The following NKTR variants were observed in gnomAD, a reference collection of about 807,000 sequenced individuals.
The protein encoded by NKTR is NK-tumor recognition protein.
In NKTR, 67 loss-of-function variants were observed where a neutral mutation model predicts 156.3. The observed-to-expected ratio is 0.43, with a 90% CI of 0.35 to 0.53. NKTR has a LOEUF of 0.53. Among genes scored for constraint, NKTR ranks in the 20% least tolerant of loss-of-function variants. The pLI, the probability that NKTR is intolerant of heterozygous loss-of-function variation, is 0.01. For missense variants in NKTR, 1,604 were observed against 1,730.9 expected, an observed-to-expected ratio of 0.93 and a Z score of 1.30; for synonymous variants, 640 against 596.6, an observed-to-expected ratio of 1.07 and a Z score of -1.06.
In NKTR at chr3:42,609,882, G is replaced by T. The variant is rs184365160; in HGVS notation, c.59-7688G>T. On this transcript the variant is annotated intron_variant, in intron 2 of 16. Coordinates refer to ENST00000232978, the MANE Select transcript of NKTR (RefSeq NM_005385.4). ...AATATCAACAACTTCAGTATCTGTT[G>T]GTATTTCAGTTGGTTCTTTTGGGCT... is the stretch of plus-strand genomic sequence containing the variant. 2.0e-3 allele frequency among the ~76,000 whole-genome samples: 311 copies of T among 152,052 alleles called. 1 individual carries two copies. Among genetic ancestry groups the T allele is most frequent in the African/African-American group, 7.4e-3 (306 of 41,480 alleles).
At position 42,638,061 on chromosome 3, in the gene NKTR, T is replaced by G; in HGVS notation, c.2357T>G (p.Val786Gly). Residue 786 changes from valine to glycine, a missense_variant, in exon 13 of 17, where the codon GTC becomes GGC. By Grantham distance (109) the Val-to-Gly change is moderately radical. Around this residue, in one of 6 missense-constraint regions of NKTR, gnomAD observed 1,255 missense variants for 1,243.7 expected, o/e 1.01. Coordinates refer to ENST00000232978, the MANE Select transcript of NKTR (RefSeq NM_005385.4). ...GAAAAGACACTTCACAGTAAATATG[T>G]CAAAGGTAGAGACAGGTCTTCATGT... ...SSEKTLHSKY[V>G]KGRDRSSCVR... 1.2e-6 allele frequency: 2 copies of G among 1,614,140 alleles called. No individual in the cohort carries two copies. The highest frequency in any genetic ancestry group is 1.1e-5 in the South Asian group (1 of 91,080).
Position 42,639,589 on chromosome 3 carries a change from G to T in NKTR, c.3885G>T (p.Glu1295Asp). 6.2e-7 allele frequency: 1 copy of T among 1,614,216 alleles called. No homozygotes were observed. The highest frequency in any genetic ancestry group is 1.1e-5 in the South Asian group (1 of 91,086). The change falls in exon 13 of 17, where the codon GAG (glutamate) becomes GAT (aspartate). Residue 1295 changes from glutamate to aspartate, a missense_variant. Physicochemically the swap from Glu to Asp is conservative, Grantham distance 45. This residue lies in a region of NKTR where 193 missense variants were observed against 220.2 expected (regional missense o/e 0.88). Coordinates refer to ENST00000232978, the MANE Select transcript of NKTR (RefSeq NM_005385.4). ...ARLNRRPRNQESSSDEQTPSR... is the reference protein window; with the variant it reads ...ARLNRRPRNQDSSSDEQTPSR... The stretch of plus-strand genomic sequence containing the variant: ...TAAACCGTAGACCAAGAAATCAGGA[G>T]AGTTCAAGTGATGAGCAGACGCCTA...
rs146446400 is a variant in NKTR at position 42,639,452 on chromosome 3, G to T, written c.3748G>T (p.Val1250Leu). 9 of 1,614,096 alleles carry T rather than the reference G, an allele frequency of 5.6e-6. No individual in the cohort carries two copies. Among genetic ancestry groups the T allele is most frequent in the Admixed American group, 1.7e-5 (1 of 60,002 alleles). ...AATSSAVEVK[V>L]LTTVPEMKPQ... Reference sequence around the variant, plus strand: ...CACATCCAGTGCTGTGGAAGTTAAGGTGTTGACCACTGTGCCTGAAATGAA... The same window carrying T: ...CACATCCAGTGCTGTGGAAGTTAAGTTGTTGACCACTGTGCCTGAAATGAA... The change falls in exon 13 of 17, where the codon GTG becomes TTG. Residue 1250 changes from valine (V) to leucine (L), a missense_variant. Physicochemically the swap from Val to Leu is conservative, Grantham distance 32. Coordinates refer to ENST00000232978, the MANE Select transcript of NKTR (RefSeq NM_005385.4).
At chr3:42,630,506 C>T (rs1184169583) in intron 6 of NKTR, 40 bp from the exon 7 acceptor site, 3 of 1,612,706 alleles carry the variant, frequency 1.9e-6, no homozygotes, top group Admixed American at 1.7e-5. Flanking sequence ...CTGAACACAT[C>T]GTGTTTGACA....
intron 14 of NKTR, 36 bp downstream of exon 14, chr3:42,642,632 A>G (rs1709987099): frequency 6.8e-7 from 1 of 1,474,296 alleles, no homozygotes; most frequent in Admixed American, 1.7e-5. Flanking sequence ...TGTGGTCTCC[A>G]TCATGTCCAC....
chr3:42,632,862 A>C (rs757151687), intron 9 of NKTR, 39 bp downstream of exon 9: 7 of 1,468,848 alleles, frequency 4.8e-6, no homozygotes, highest in African/African-American at 1.4e-5. Context: ...CCTAAAAACA[A>C]ACACTCTGGA....
At chr3:42,620,593 T>C in intron 5 of NKTR, 1 of 984,712 alleles carries the variant, frequency 1.0e-6, no homozygotes, top group Non-Finnish European at 1.2e-6. Flanking sequence ...GTTTTCTGTG[T>C]TTCTGTTTGT....
At position 42,619,558 on chromosome 3, in the gene NKTR, A is replaced by T. The variant is rs893591897; in HGVS notation, c.242-106A>T. On this transcript the variant is annotated intron_variant, in intron 4 of 16. Coordinates refer to ENST00000232978, the MANE Select transcript of NKTR (RefSeq NM_005385.4). ...GAGAATTTTGATTATTGCAGCAGTT[A>T]TAACATTCCAAGGTTTCCTTCAGCG... is the stretch of plus-strand genomic sequence containing the variant. 7.6e-6 allele frequency: 12 copies of T among 1,570,274 alleles called. No individual in the cohort carries two copies. In the South Asian group the frequency reaches 1.4e-4, roughly 19 times the overall value.
At chr3:42,624,316 A>G (rs1708177084) in intron 6 of NKTR, among the ~76,000 whole-genome samples, 1 of 152,010 alleles carries the variant, frequency 6.6e-6, no homozygotes, top group African/African-American at 2.4e-5. Context: ...AAGAAGTGAT[A>G]TATGGCACTA....
chr3:42,645,873 G>A lies in NKTR; in HGVS notation c.4302-15G>A, dbSNP rs1710320430. On this transcript the variant is annotated splice_polypyrimidine_tract_variant and intron_variant, in intron 16 of 16. Transcript: ENST00000232978. ...CAGTTACAAGATTTTTATATATTTT[G>A]TTTTGTTATTACAGGAGTTGTAGAT... The A allele has an allele frequency of 1.9e-6, 3 of 1,567,282 alleles. No homozygotes were observed. Among genetic ancestry groups the A allele is most frequent in the Non-Finnish European group, 2.6e-6 (3 of 1,145,592 alleles).
chr3:42,614,173 A>C (rs577936589), intron 2 of NKTR, among the ~76,000 whole-genome samples: 7 of 152,118 alleles, frequency 4.6e-5, no homozygotes, highest in African/African-American at 1.4e-4. Flanking sequence ...TTTTTCTTAG[A>C]TATTATTTAT....
chr3:42,639,705 A>T lies in NKTR; in HGVS notation c.4001A>T (p.Tyr1334Phe). 6.2e-7 allele frequency: 1 copy of T among 1,612,870 alleles called. No individual in the cohort carries two copies. The change falls in exon 13 of 17, where the codon TAT becomes TTT. Residue 1334 changes from tyrosine (Y) to phenylalanine (F), a missense_variant. By Grantham distance (22) the Tyr-to-Phe change is conservative. Transcript: ENST00000232978. Reference protein sequence around the residue: ...KSRHRTRSVSYSHSRSRSRSS... With the variant: ...KSRHRTRSVSFSHSRSRSRSS... ...AGACACAGAACAAGGTCTGTCTCCT[A>T]TAGTCACTCAAGAAGTCGATCGAGA...
Position 42,639,294 on chromosome 3 carries a change from G to T in NKTR, c.3590G>T (p.Ser1197Ile). The change falls in exon 13 of 17, where the codon AGC becomes ATC. Residue 1197 changes from serine (S) to isoleucine (I), a missense_variant. Coordinates refer to ENST00000232978, the MANE Select transcript of NKTR (RefSeq NM_005385.4). Reference protein sequence around the residue: ...VLGEVGKQDSSSASLASAGES... With the variant: ...VLGEVGKQDSISASLASAGES... ...GGTGAAGTGGGGAAACAGGACAGCA[G>T]CTCTGCTAGCTTGGCTAGTGCTGGA... 1 of 1,614,180 alleles carries T rather than the reference G, an allele frequency of 6.2e-7. No individual in the cohort carries two copies. The highest frequency in any genetic ancestry group is 1.1e-5 in the South Asian group (1 of 91,086).
At chr3:42,603,325 A>G (rs1705776736) in intron 2 of NKTR, among the ~76,000 whole-genome samples, 2 of 148,432 alleles carry the variant, frequency 1.3e-5, no homozygotes, top group African/African-American at 2.5e-5. Flanking sequence ...GCACCACTGC[A>G]CTCCAGCTTG....
intron 12 of NKTR, among the ~76,000 whole-genome samples, chr3:42,635,936 G>A (rs1440049673): frequency 6.6e-6 from 1 of 152,120 alleles, no homozygotes; most frequent in African/African-American, 2.4e-5. Context: ...TTAGGACTTA[G>A]AAATTATATA....
chr3:42,629,613 T>G, intron 6 of NKTR: 1 of 979,398 alleles, frequency 1.0e-6, no homozygotes, highest in Non-Finnish European at 1.2e-6. Flanking sequence ...CTCTTTCAAA[T>G]TTCTGTTTTC....
chr3:42,621,563 G>A (rs564799825), intron 6 of NKTR, 47 bp downstream of exon 6: 10 of 1,578,806 alleles, frequency 6.3e-6, no homozygotes, highest in South Asian at 5.9e-5. Context: ...ACAGAGAAGC[G>A]CTGTTCATAA....
intron 13 of NKTR, among the ~76,000 whole-genome samples, chr3:42,640,119 A>C (rs929083214): frequency 6.6e-6 from 1 of 152,214 alleles, no homozygotes; most frequent in Admixed American, 6.5e-5. Flanking sequence ...TCATTAATCT[A>C]ACCTTCCATT....
chr3:42,600,832 G>A (rs890610347), intron 1 of NKTR, 54 bp downstream of exon 1: 9 of 428,216 alleles, frequency 2.1e-5, no homozygotes, highest in African/African-American at 1.0e-4. Context: ...GAGGCCCGGG[G>A]CGGGAGGGGG....
Sources: allele counts gnomAD v4.1 joint callset (sites outside exome capture counted in the v4.1 genomes callset), GRCh38; gene constraint gnomAD v4.1.1; regional missense constraint gnomAD v4.1.1; transcripts MANE v1.5; gene names NCBI Gene and HGNC (gene_info 2026-07-23, HGNC 2026-07-21).